Variants in PCCA observed in about 807,000 individuals in gnomAD.
The protein encoded by PCCA is propionyl-CoA carboxylase subunit alpha.
In PCCA, 74 loss-of-function variants were observed where a neutral mutation model predicts 101.3. The observed-to-expected ratio is 0.73, with a 90% confidence interval of 0.61 to 0.89. The LOEUF (loss-of-function observed/expected upper bound fraction) is 0.89. PCCA is among the 40% of genes least tolerant of loss of function. The pLI, the probability that PCCA is intolerant of heterozygous loss-of-function variation, is 0.00. For synonymous variants in PCCA, 294 were observed against 313.6 expected (o/e 0.94, Z 0.66); for missense variants, 891 against 907.0 (o/e 0.98, Z 0.23).
In PCCA at chr13:100,515,544, G is replaced by A. The variant is rs142646074; in HGVS notation, c.2017G>A (p.Val673Ile). 31 of 1,613,968 alleles carry A rather than the reference G, an allele frequency of 1.9e-5. No individual in the cohort carries two copies. The highest frequency in any genetic ancestry group is 1.6e-4 in the Middle Eastern group (1 of 6,062). ...CCCGATGCCCGGAGTGGTGGTGGCC[G>A]TCTCTGTCAAGCCTGGAGACGCGGT... ...RSPMPGVVVA[V>I]SVKPGDAVAE... Residue 673 changes from valine (V) to isoleucine (I), a missense_variant, in exon 22 of 24, where the codon GTC (valine) becomes ATC (isoleucine). Transcript: ENST00000376285.
intron 7 of PCCA, among the ~76,000 whole-genome samples, chr13:100,221,110 A>T (rs681487): frequency 0.15 from 22,586 of 152,310 alleles, 1,792 homozygotes; most frequent in Middle Eastern, 0.22. Context: ...TATGAAACCT[A>T]TGCCTGTCTT....
intron 12 of PCCA, among the ~76,000 whole-genome samples, chr13:100,275,247 C>T (rs2063564995): frequency 6.6e-6 from 1 of 152,110 alleles, no homozygotes; most frequent in African/African-American, 2.4e-5. Context: ...GTGCCTCTTT[C>T]CCAGAGGGAG....
At chr13:100,155,535 A>G (rs1218642409) in intron 5 of PCCA, among the ~76,000 whole-genome samples, 4 of 152,228 alleles carry the variant, frequency 2.6e-5, no homozygotes, top group Non-Finnish European at 5.9e-5. Flanking sequence ...ACATTTGGTA[A>G]TTATTTTAGT....
At chr13:100,238,143 C>T (rs995739444) in intron 8 of PCCA, among the ~76,000 whole-genome samples, 1 of 151,664 alleles carries the variant, frequency 6.6e-6, no homozygotes, top group Admixed American at 6.6e-5. Context: ...TTTCACCATA[C>T]TGGCCAGGCT....
intron 7 of PCCA, among the ~76,000 whole-genome samples, chr13:100,213,914 A>G (rs1214010699): frequency 6.6e-6 from 1 of 152,176 alleles, no homozygotes; most frequent in Admixed American, 6.5e-5. Flanking sequence ...TGTATATGGC[A>G]AGAGATAAGG....
At chr13:100,274,045 G>T (rs1238380751) in intron 12 of PCCA, among the ~76,000 whole-genome samples, 1 of 152,106 alleles carries the variant, frequency 6.6e-6, no homozygotes, top group African/African-American at 2.4e-5. Flanking sequence ...GGGCCTAGAA[G>T]TATTTACAAA....
intron 19 of PCCA, among the ~76,000 whole-genome samples, chr13:100,378,989 T>G (rs1351671296): frequency 6.6e-6 from 1 of 152,168 alleles, no homozygotes; most frequent in Admixed American, 6.5e-5. Context: ...CATATTCCCT[T>G]GCTTTTTCAT....
At chr13:100,270,098 A>C (rs1455674935) in intron 11 of PCCA, among the ~76,000 whole-genome samples, 1 of 152,240 alleles carries the variant, frequency 6.6e-6, no homozygotes, top group South Asian at 2.1e-4. Flanking sequence ...TGTAGCTTAC[A>C]TAAGATGTGG....
intron 4 of PCCA, among the ~76,000 whole-genome samples, chr13:100,152,933 T>G (rs2053517155): frequency 6.6e-6 from 1 of 152,236 alleles, no homozygotes; most frequent in Non-Finnish European, 1.5e-5. Flanking sequence ...GCATGTTCAT[T>G]ATAGAAATTT....
intron 21 of PCCA, among the ~76,000 whole-genome samples, chr13:100,478,136 G>A (rs758910231): frequency 1.3e-5 from 2 of 152,220 alleles, no homozygotes; most frequent in Non-Finnish European, 2.9e-5. Context: ...GAAGAGGAAT[G>A]GTAGGTCTGA....
chr13:100,343,301 A>G (rs2071675750), intron 18 of PCCA, among the ~76,000 whole-genome samples: 1 of 151,854 alleles, frequency 6.6e-6, no homozygotes, highest in African/African-American at 2.4e-5. Flanking sequence ...AGTTCATGAT[A>G]AGATGCTCAG....
intron 18 of PCCA, among the ~76,000 whole-genome samples, chr13:100,367,050 A>G (rs1567013568): frequency 6.6e-6 from 1 of 152,190 alleles, no homozygotes; most frequent in Non-Finnish European, 1.5e-5. Flanking sequence ...TTTTTTCAGA[A>G]CTGTGGTTTA....
At chr13:100,090,250 G>A (rs1300464146) in intron 1 of PCCA, among the ~76,000 whole-genome samples, 1 of 152,232 alleles carries the variant, frequency 6.6e-6, no homozygotes, top group Non-Finnish European at 1.5e-5. Context: ...GAGAGCTGGA[G>A]CTTATCGACA....
chr13:100,507,907 TG>T, intron 21 of PCCA, among the ~76,000 whole-genome samples: 1 of 152,272 alleles, frequency 6.6e-6, no homozygotes, highest in African/African-American at 2.4e-5. Flanking sequence ...CCTCCAGCCT[TG>T]GCCTCCCAAA....
At chr13:100,307,598 A>C (rs937968682) in intron 15 of PCCA, among the ~76,000 whole-genome samples, 2 of 152,204 alleles carry the variant, frequency 1.3e-5, no homozygotes, top group African/African-American at 4.8e-5. Flanking sequence ...ATTACCTGAG[A>C]TGGAAGTATG....
intron 2 of PCCA, among the ~76,000 whole-genome samples, chr13:100,104,108 G>A (rs956208522): frequency 4.6e-5 from 7 of 152,152 alleles, no homozygotes; most frequent in Admixed American, 1.3e-4. Context: ...CGAAGTGGGC[G>A]GGAGTTTTGG....
intron 6 of PCCA, among the ~76,000 whole-genome samples, chr13:100,193,014 A>G (rs1320454910): frequency 6.6e-6 from 1 of 152,172 alleles, no homozygotes. Flanking sequence ...CGAGAGTGAA[A>G]AGGGACGCTA....
At chr13:100,121,151 AG>A (rs1216180842) in intron 4 of PCCA, among the ~76,000 whole-genome samples, 1 of 114,608 alleles carries the variant, frequency 8.7e-6, no homozygotes, top group African/African-American at 3.4e-5. Context: ...TGGATTTCTT[AG>A]GTTTTTTTTT....
chr13:100,431,883 T>C (rs1008609683), intron 20 of PCCA, among the ~76,000 whole-genome samples: 7 of 149,898 alleles, frequency 4.7e-5, no homozygotes, highest in Non-Finnish European at 7.4e-5. Flanking sequence ...ATAATAATAA[T>C]AAATAAAATA....
Sources: allele counts gnomAD v4.1 joint callset (sites outside exome capture counted in the v4.1 genomes callset), GRCh38; gene constraint gnomAD v4.1.1; transcripts MANE v1.5; gene names NCBI Gene and HGNC (gene_info 2026-07-23, HGNC 2026-07-21).